CCSER2: variants seen among roughly 807,000 people sequenced by gnomAD.
CCSER2 encodes serine-rich coiled-coil domain-containing protein 2.
Under a neutral mutation model 92.3 loss-of-function variants are expected in CCSER2, and 46 were observed. The ratio of observed to expected loss-of-function variants is 0.50; its 90% CI spans 0.39 to 0.64. The LOEUF (loss-of-function observed/expected upper bound fraction) is 0.64, where lower values mean the gene tolerates loss of function less well. Ranked by LOEUF, CCSER2 falls within the 30% of genes least tolerant of loss-of-function variation. The pLI is 0.00. For synonymous variants in CCSER2, 433 were observed against 431.4 expected, an observed-to-expected ratio of 1.00 and a Z score of -0.04; for missense variants, 1,244 against 1,238.9, an observed-to-expected ratio of 1.00 and a Z score of -0.06.
At chr10:84,347,712 T>C (rs1348574951) in intron 1 of CCSER2, among the ~76,000 whole-genome samples, 2 of 136,170 alleles carry the variant, frequency 1.5e-5, no homozygotes, top group African/African-American at 2.8e-5. Context: ...GGGCGGCTGC[T>C]GGGCGGAGGG....
At chr10:84,347,644 G>A (rs924901080) in intron 1 of CCSER2, among the ~76,000 whole-genome samples, 1 of 151,388 alleles carries the variant, frequency 6.6e-6, no homozygotes, top group Non-Finnish European at 1.5e-5. Flanking sequence ...GGGCGGAGAC[G>A]CTCCTGACTT....
At chr10:84,338,934 T>TA (rs2132999766) in intron 1 of CCSER2, among the ~76,000 whole-genome samples, 1 of 152,300 alleles carries the variant, frequency 6.6e-6, no homozygotes, top group East Asian at 1.9e-4. Flanking sequence ...GGAGCATCAT[T>TA]ACAGTTGCTT....
chr10:84,431,596 G>T (rs1419520437), intron 5 of CCSER2, among the ~76,000 whole-genome samples: 1 of 152,036 alleles, frequency 6.6e-6, no homozygotes, highest in Non-Finnish European at 1.5e-5. Flanking sequence ...AAAAAAATTA[G>T]CTGGGCGTGG....
In CCSER2 at chr10:84,511,977, A is replaced by G. The variant is rs182332477; in HGVS notation, c.2326-1472A>G. Reference sequence around the variant, plus strand: ...ATTCTGCAATACGATTTGATGTGACATATTTCTGTACAGATTAATTTTGAG... The same window carrying G: ...ATTCTGCAATACGATTTGATGTGACGTATTTCTGTACAGATTAATTTTGAG... On this transcript the variant is annotated intron_variant, in intron 9 of 9. Coordinates refer to ENST00000372088, the MANE Select transcript of CCSER2 (RefSeq NM_001284240.2). 3.2e-3 allele frequency among the ~76,000 whole-genome samples: 483 copies of G among 152,266 alleles called. 4 individuals carry two copies. Among genetic ancestry groups the G allele is most frequent in the Non-Finnish European group, 4.4e-3 (296 of 68,026 alleles).
Position 84,513,738 on chromosome 10 carries a change from A to AT in CCSER2, c.2618dup (p.Leu873PhefsTer7). The AT allele has an allele frequency of 1.3e-6, 2 of 1,537,592 alleles. No individual in the cohort carries two copies. The highest frequency in any genetic ancestry group is 8.7e-7 in the Non-Finnish European group (1 of 1,147,008). ...ACTGTAAATGCTCAAGAGCCTTATC[A>AT]TTTGGCAAACAATCAAATTAGTGAC... On this transcript the variant is annotated frameshift_variant, in exon 10 of 10. Transcript: ENST00000372088. LOFTEE classifies it high-confidence loss of function.
intron 9 of CCSER2, among the ~76,000 whole-genome samples, chr10:84,485,991 G>A (rs1343432678): frequency 6.6e-6 from 1 of 152,140 alleles, no homozygotes; most frequent in Non-Finnish European, 1.5e-5. Context: ...AGAACATGCG[G>A]TGTTTGTTTT....
At chr10:84,338,371 T>G (rs971173116) in intron 1 of CCSER2, among the ~76,000 whole-genome samples, 2 of 151,920 alleles carry the variant, frequency 1.3e-5, no homozygotes, top group Admixed American at 1.3e-4. Context: ...AAAAGCAGCT[T>G]CTTTTGTGAC....
intron 3 of CCSER2, among the ~76,000 whole-genome samples, chr10:84,380,877 A>G (rs1456861900): frequency 6.6e-6 from 1 of 151,824 alleles, no homozygotes; most frequent in African/African-American, 2.4e-5. Context: ...TTGTATTTTT[A>G]GTAGAGATGG....
At chr10:84,504,718 C>T (rs533512919) in intron 9 of CCSER2, among the ~76,000 whole-genome samples, 1 of 152,190 alleles carries the variant, frequency 6.6e-6, no homozygotes, top group Non-Finnish European at 1.5e-5. Context: ...TAATTGAATA[C>T]CTATTATGTG....
At chr10:84,420,195 A>T (rs1231836638) in intron 4 of CCSER2, among the ~76,000 whole-genome samples, 1 of 152,238 alleles carries the variant, frequency 6.6e-6, no homozygotes, top group Admixed American at 6.5e-5. Context: ...TTACCCAAAT[A>T]TTAGATAAAA....
chr10:84,373,747 G>C lies in CCSER2; in HGVS notation c.1546G>C (p.Glu516Gln). 6.2e-7 allele frequency: 1 copy of C among 1,613,764 alleles called. No homozygotes were observed. The highest frequency in any genetic ancestry group is 8.5e-7 in the Non-Finnish European group (1 of 1,179,774). ...SSDGTYMWDE[E>Q]GLEPIGNVHP... ...TGATGGAACATACATGTGGGATGAA[G>C]AAGGCTTGGAACCCATTGGAAATGT... Residue 516 changes from glutamate to glutamine, a missense_variant, in exon 3 of 10, where the codon GAA becomes CAA. Coordinates refer to ENST00000372088, the MANE Select transcript of CCSER2 (RefSeq NM_001284240.2).
intron 6 of CCSER2, among the ~76,000 whole-genome samples, chr10:84,457,301 A>AATATATTATATATAATATATT (rs1564684881): frequency 0.027 from 1,402 of 52,660 alleles, 33 homozygotes; most frequent in African/African-American, 0.031. Context: ...TATTATATAT[A>AATATATTATATATAATATATT]ATATGTTATA....
intron 7 of CCSER2, among the ~76,000 whole-genome samples, chr10:84,466,545 C>T (rs1368491825): frequency 6.7e-6 from 1 of 149,088 alleles, no homozygotes; most frequent in Non-Finnish European, 1.5e-5. Flanking sequence ...CGCTCTGTTG[C>T]CCAGGCTGGA....
At position 84,372,295 on chromosome 10, in the gene CCSER2, A is replaced by C; in HGVS notation, c.1243A>C (p.Ser415Arg). The part of the protein sequence containing the change: ...SDKNDLSEDF[S>R]DDFIDIEDSN... ...TAAGAATGATTTAAGTGAAGACTTTAGTGATGATTTTATAGATATAGAAGA... is the reference window on the plus strand; with the variant it reads ...TAAGAATGATTTAAGTGAAGACTTTCGTGATGATTTTATAGATATAGAAGA... The change falls in exon 2 of 10, where the codon AGT (serine) becomes CGT (arginine). Residue 415 changes from serine to arginine, a missense_variant. Ser to Arg is a moderately radical substitution (Grantham distance 110, BLOSUM62 -1). Transcript: ENST00000372088. 6.2e-7 allele frequency: 1 copy of C among 1,612,920 alleles called. No individual in the cohort carries two copies. Among genetic ancestry groups the C allele is most frequent in the Non-Finnish European group, 8.5e-7 (1 of 1,179,110 alleles).
At chr10:84,438,201 G>T (rs1183976919) in intron 5 of CCSER2, among the ~76,000 whole-genome samples, 1 of 152,180 alleles carries the variant, frequency 6.6e-6, no homozygotes, top group Non-Finnish European at 1.5e-5. Context: ...AGAAAAGGAA[G>T]AATAAGTTTA....
chr10:84,457,591 TTATATATTTATATATTATATATAATTA>T lies in CCSER2; in HGVS notation c.2065-6336_2065-6310del, dbSNP rs1335212626. Reference sequence around the variant, plus strand: ...ATTTATATTTATATATTATATATAATTATATATTTATATATTATATATAATTATATATTTATATATTATATATAATTA... The same window carrying T: ...ATTTATATTTATATATTATATATAATTATATTTATATATTATATATAATTA... On this transcript the variant is annotated intron_variant, in intron 6 of 9. Transcript: ENST00000372088. 6.6e-4 allele frequency among the ~76,000 whole-genome samples: 4 copies of T among 6,042 alleles called. No individual in the cohort carries two copies. The Admixed American group carries it at 7.7e-3, about 12-fold the overall frequency. 4.0% of individuals were successfully genotyped at this position (6,042 alleles called of 152,430 possible).
At chr10:84,376,087 T>C (rs1846320227) in intron 3 of CCSER2, among the ~76,000 whole-genome samples, 1 of 152,098 alleles carries the variant, frequency 6.6e-6, no homozygotes, top group African/African-American at 2.4e-5. Flanking sequence ...AAGTCTTCCT[T>C]TTTGAAAGAA....
chr10:84,513,111 G>C (rs1358983578), intron 9 of CCSER2, among the ~76,000 whole-genome samples: 2 of 152,090 alleles, frequency 1.3e-5, no homozygotes, highest in Admixed American at 1.3e-4. Flanking sequence ...AAAAGCTGTA[G>C]AATCATTCTG....
chr10:84,448,320 A>G (rs1238128900), intron 6 of CCSER2, among the ~76,000 whole-genome samples: 2 of 152,050 alleles, frequency 1.3e-5, no homozygotes, highest in Non-Finnish European at 2.9e-5. Flanking sequence ...GATTATGCAC[A>G]TACACTCTAT....
Sources: allele counts gnomAD v4.1 joint callset (sites outside exome capture counted in the v4.1 genomes callset), GRCh38; gene constraint gnomAD v4.1.1; transcripts MANE v1.5; gene names NCBI Gene and HGNC (gene_info 2026-07-23, HGNC 2026-07-21).